Variants in CSMD1 observed in about 807,000 individuals in gnomAD.
CSMD1 encodes CUB and sushi domain-containing protein 1.
CSMD1 carries 213 observed loss-of-function variants against 417.5 expected under a neutral mutation model. The observed-to-expected ratio is 0.51, with a 90% CI of 0.46 to 0.57. The LOEUF (loss-of-function observed/expected upper bound fraction) is 0.57, where lower values mean the gene tolerates loss of function less well. Among genes scored for constraint, CSMD1 ranks in the 20% least tolerant of loss-of-function variants. CSMD1 has a pLI of 0.00. For missense variants in CSMD1, 6,923 were observed against 4,529.7 expected (o/e 1.53, Z -15.17); for synonymous variants, 2,862 against 1,736.8 (o/e 1.65, Z -16.11).
chr8:4,467,930 C>A (rs1800282106), intron 2 of CSMD1, among the ~76,000 whole-genome samples: 1 of 152,102 alleles, frequency 6.6e-6, no homozygotes, highest in African/African-American at 2.4e-5. Context: ...GTTGGAATTC[C>A]ATTCCTGAAC....
intron 1 of CSMD1, among the ~76,000 whole-genome samples, chr8:4,724,001 T>C (rs991358949): frequency 8.5e-5 from 13 of 152,220 alleles, no homozygotes; most frequent in Admixed American, 8.5e-4. Context: ...TTTTTAAAAA[T>C]ATGATGCTCT....
chr8:4,234,530 T>A (rs2128816654), intron 3 of CSMD1, among the ~76,000 whole-genome samples: 1 of 152,336 alleles, frequency 6.6e-6, no homozygotes, highest in South Asian at 2.1e-4. Flanking sequence ...CACTCCTAAA[T>A]GTTCCTATCC....
rs140261261 is a variant in CSMD1, at chr8:4,171,959, A to G, written c.416-139860T>C. Among the ~76,000 whole-genome samples, 10 of 152,288 alleles carry G rather than the reference A, an allele frequency of 6.6e-5. No individual in the cohort carries two copies. The East Asian group carries it at 1.9e-3, about 29-fold the overall frequency. On this transcript the variant is annotated intron_variant, in intron 3 of 69. Coordinates refer to ENST00000635120, the MANE Select transcript of CSMD1 (RefSeq NM_033225.6). ...TAGATTTTGTGTTCTTTCTTGCATA[A>G]TGTAATAATCAGCATCCTTCATTTG... is the stretch of plus-strand genomic sequence containing the variant.
chr8:3,608,848 T>C (rs925708352), intron 8 of CSMD1, among the ~76,000 whole-genome samples: 5 of 151,924 alleles, frequency 3.3e-5, no homozygotes, highest in Admixed American at 2.6e-4. Context: ...AATTACAACA[T>C]GACACACCCC....
At chr8:3,826,405 G>C (rs1341386899) in intron 5 of CSMD1, among the ~76,000 whole-genome samples, 1 of 152,144 alleles carries the variant, frequency 6.6e-6, no homozygotes, top group Non-Finnish European at 1.5e-5. Context: ...CTGATCATGA[G>C]ACACGAGTTA....
intron 53 of CSMD1, among the ~76,000 whole-genome samples, chr8:2,998,785 CAG>C (rs1456822025): frequency 2.0e-5 from 3 of 152,192 alleles, no homozygotes; most frequent in Admixed American, 2.0e-4. Flanking sequence ...CAAGACAGAT[CAG>C]GGAGAGATAT....
At chr8:3,868,835 T>C (rs944208932) in intron 5 of CSMD1, among the ~76,000 whole-genome samples, 2 of 152,178 alleles carry the variant, frequency 1.3e-5, no homozygotes, top group Non-Finnish European at 2.9e-5. Context: ...AATGTGCTCA[T>C]CCAAGCCACC....
chr8:3,944,671 GAAATAA>G (rs1460205548), intron 5 of CSMD1, among the ~76,000 whole-genome samples: 1 of 152,040 alleles, frequency 6.6e-6, no homozygotes, highest in African/African-American at 2.4e-5. Context: ...GGAATGGTGG[GAAATAA>G]AAAGATCTAT....
intron 3 of CSMD1, among the ~76,000 whole-genome samples, chr8:4,294,786 T>C (rs915729412): frequency 6.6e-6 from 1 of 151,968 alleles, no homozygotes; most frequent in African/African-American, 2.4e-5. Context: ...ATGGGTAAAA[T>C]AAAAACCTGG....
intron 1 of CSMD1, among the ~76,000 whole-genome samples, chr8:4,801,429 C>T (rs1271005719): frequency 6.6e-6 from 1 of 151,798 alleles, no homozygotes; most frequent in Non-Finnish European, 1.5e-5. Context: ...GGCCAGTCAG[C>T]TACTCTTAGC....
chr8:4,450,081 G>A (rs771772143), intron 2 of CSMD1, among the ~76,000 whole-genome samples: 5 of 152,116 alleles, frequency 3.3e-5, no homozygotes, highest in Non-Finnish European at 5.9e-5. Context: ...TCCTCGTCCT[G>A]TCTCACTTCT....
chr8:3,663,205 A>G (rs1298586910), intron 7 of CSMD1, among the ~76,000 whole-genome samples: 1 of 152,162 alleles, frequency 6.6e-6, no homozygotes, highest in Non-Finnish European at 1.5e-5. Flanking sequence ...AAGCGTGAAC[A>G]ACAAAGATAT....
chr8:3,538,193 T>C (rs997558476), intron 10 of CSMD1, among the ~76,000 whole-genome samples: 2 of 151,390 alleles, frequency 1.3e-5, no homozygotes, highest in African/African-American at 4.9e-5. Context: ...ACACCTTGCA[T>C]TTCATTCCCA....
intron 5 of CSMD1, among the ~76,000 whole-genome samples, chr8:3,916,317 C>T (rs765223338): frequency 1.3e-4 from 20 of 152,164 alleles, no homozygotes; most frequent in Middle Eastern, 3.4e-3. Flanking sequence ...CTCAGCACTA[C>T]GCCGGATATT....
intron 2 of CSMD1, among the ~76,000 whole-genome samples, chr8:4,549,366 G>T (rs964419032): frequency 2.0e-5 from 3 of 152,146 alleles, no homozygotes; most frequent in Non-Finnish European, 4.4e-5. Context: ...TAATAATGGG[G>T]TATATTGGTT....
chr8:4,342,576 T>C (rs965524708), intron 3 of CSMD1, among the ~76,000 whole-genome samples: 3 of 151,986 alleles, frequency 2.0e-5, no homozygotes, highest in Non-Finnish European at 4.4e-5. Context: ...AGATGGACAC[T>C]TCCCCATAAG....
At chr8:3,231,033 AT>A (rs1798805124) in intron 26 of CSMD1, among the ~76,000 whole-genome samples, 1 of 152,100 alleles carries the variant, frequency 6.6e-6, no homozygotes, top group Admixed American at 6.6e-5. Flanking sequence ...CACCTCCCAT[AT>A]GCAGCCATCG....
rs1274856193 is a variant in CSMD1 at position 4,898,418 on chromosome 8, T to A, written c.85+95914A>T. Among the ~76,000 whole-genome samples, 5 of 151,488 alleles carry A rather than the reference T, an allele frequency of 3.3e-5. 1 individual carries two copies. The highest frequency in any genetic ancestry group is 1.2e-4 in the African/African-American group (5 of 40,776). ...CTAGCAATTCAGGCCACACAGTGAC[T>A]GGGTGATGGTCACAGAAGGACCGCA... On this transcript the variant is annotated intron_variant, in intron 1 of 69. Transcript: ENST00000635120.
At chr8:3,617,924 T>A (rs1322187247) in intron 7 of CSMD1, among the ~76,000 whole-genome samples, 2 of 152,182 alleles carry the variant, frequency 1.3e-5, no homozygotes, top group Non-Finnish European at 2.9e-5. Flanking sequence ...AAGAAAATAA[T>A]ATGTCTGGGT....
Sources: allele counts gnomAD v4.1 joint callset (sites outside exome capture counted in the v4.1 genomes callset), GRCh38; gene constraint gnomAD v4.1.1; transcripts MANE v1.5; gene names NCBI Gene and HGNC (gene_info 2026-07-23, HGNC 2026-07-21).